SH3BGR: variants seen among roughly 807,000 people sequenced by gnomAD.
SH3BGR encodes the protein SH3 domain-binding glutamic acid-rich protein.
SH3BGR carries 29 observed loss-of-function variants against 24.5 expected under a neutral mutation model. That is an observed-to-expected ratio of 1.18 (90% CI 0.88 to 1.61). The LOEUF (loss-of-function observed/expected upper bound fraction) is 1.61, where lower values mean the gene tolerates loss of function less well. Ranked by LOEUF, SH3BGR falls within the 40% of genes most tolerant of loss-of-function variation. The pLI is 0.00. For missense variants in SH3BGR, 162 were observed against 205.8 expected, an observed-to-expected ratio of 0.79 and a Z score of 1.30; for synonymous variants, 55 against 65.7, an observed-to-expected ratio of 0.84 and a Z score of 0.79.
chr21:39,499,425 G>A (rs1012474503), intron 3 of SH3BGR, among the ~76,000 whole-genome samples: 8 of 151,970 alleles, frequency 5.3e-5, no homozygotes, highest in African/African-American at 1.9e-4. Flanking sequence ...ATCCATCTAT[G>A]TATGTTTACC....
At chr21:39,452,239 T>G (rs2077587037) in intron 1 of SH3BGR, 98 bp downstream of exon 1, 35 of 1,383,690 alleles carry the variant, frequency 2.5e-5, no homozygotes, top group Non-Finnish European at 3.4e-5. Flanking sequence ...TTTTTGCGTG[T>G]AGTCAGCTGT....
At chr21:39,475,075 G>C in intron 2 of SH3BGR, 60 bp from the exon 3 acceptor site, 1 of 1,056,460 alleles carries the variant, frequency 9.5e-7, no homozygotes, top group Non-Finnish European at 1.4e-6. Flanking sequence ...ATCAGTTTCC[G>C]TAAATAAACT....
At chr21:39,447,848 T>C (rs1449165287), upstream of SH3BGR, among the ~76,000 whole-genome samples, 1 of 152,116 alleles carries the variant, frequency 6.6e-6, no homozygotes, top group East Asian at 1.9e-4. Context: ...TTCTCTATAT[T>C]AGGTTCCTAG....
chr21:39,469,765 C>T (rs1264114948), intron 2 of SH3BGR, among the ~76,000 whole-genome samples: 1 of 151,878 alleles, frequency 6.6e-6, no homozygotes, highest in Non-Finnish European at 1.5e-5. Flanking sequence ...GTGATTGATT[C>T]TTCTGCCTCA....
At chr21:39,481,530 A>T (rs1011654191) in intron 3 of SH3BGR, among the ~76,000 whole-genome samples, 18 of 152,200 alleles carry the variant, frequency 1.2e-4, no homozygotes, top group African/African-American at 4.3e-4. Flanking sequence ...ACATTTTCTG[A>T]TTATTAACCC....
Position 39,511,887 on chromosome 21 carries a change from C to A in SH3BGR, c.*34+78C>A. 1 of 1,347,144 alleles carries A rather than the reference C, an allele frequency of 7.4e-7. No individual in the cohort carries two copies. Among genetic ancestry groups the A allele is most frequent in the Non-Finnish European group, 9.9e-7 (1 of 1,005,886 alleles). The allele number at this position is 1,347,144 out of a possible 1,614,324, so 83.4% of individuals were successfully genotyped here. ...ATCTGCGGCACATTTTGCTTAGTAA[C>A]AGGAGAAAGGGAATTCCAATTCAGG... On this transcript the variant is annotated intron_variant, in intron 6 of 6. Transcript: ENST00000333634. This position sits in a 1 kb window ranked among gnomAD's most constrained non-coding sequence, Gnocchi z 4.2.
intron 4 of SH3BGR, among the ~76,000 whole-genome samples, chr21:39,505,801 G>A (rs1235261410): frequency 6.6e-6 from 1 of 152,110 alleles, no homozygotes; most frequent in East Asian, 1.9e-4. Context: ...CATAGTTGTT[G>A]CTAGCTAACT....
At chr21:39,482,890 G>A (rs1206941548) in intron 3 of SH3BGR, among the ~76,000 whole-genome samples, 2 of 152,110 alleles carry the variant, frequency 1.3e-5, no homozygotes, top group African/African-American at 4.8e-5. Context: ...GGCTGGTCTC[G>A]AACTCCTGAC....
At chr21:39,462,681 C>A in intron 2 of SH3BGR, 121 bp downstream of exon 2, 1 of 595,594 alleles carries the variant, frequency 1.7e-6, no homozygotes, top group Non-Finnish European at 2.8e-6. Flanking sequence ...TGGTCTATTT[C>A]TGCCATCCAA....
chr21:39,505,113 A>G (rs1208525920), intron 4 of SH3BGR, among the ~76,000 whole-genome samples: 2 of 152,186 alleles, frequency 1.3e-5, no homozygotes, highest in Non-Finnish European at 2.9e-5. Context: ...ACGCCCAGCC[A>G]TTATTTTTAA....
intron 1 of SH3BGR, among the ~76,000 whole-genome samples, chr21:39,461,918 G>A (rs1023766602): frequency 6.6e-6 from 1 of 151,702 alleles, no homozygotes; most frequent in Non-Finnish European, 1.5e-5. Flanking sequence ...GCATGATCTC[G>A]GCTCACTGCA....
At chr21:39,454,824 C>G (rs1302261928) in intron 1 of SH3BGR, among the ~76,000 whole-genome samples, 1 of 152,180 alleles carries the variant, frequency 6.6e-6, no homozygotes, top group Non-Finnish European at 1.5e-5. Flanking sequence ...CTAGATGGCC[C>G]GTGTGACAGT....
At chr21:39,484,186 G>A (rs2078173724) in intron 3 of SH3BGR, among the ~76,000 whole-genome samples, 1 of 152,212 alleles carries the variant, frequency 6.6e-6, no homozygotes, top group African/African-American at 2.4e-5. Flanking sequence ...ATTTCACAAA[G>A]CCTCTGACTC....
intron 6 of SH3BGR, among the ~76,000 whole-genome samples, chr21:39,514,022 G>T (rs1238358604): frequency 1.1e-4 from 17 of 152,150 alleles, no homozygotes; most frequent in Admixed American, 1.1e-3. Context: ...AGCACATTCT[G>T]CCTGTTTCTC....
chr21:39,464,318 G>A (rs897091046), intron 2 of SH3BGR, among the ~76,000 whole-genome samples: 1 of 152,088 alleles, frequency 6.6e-6, no homozygotes, highest in African/African-American at 2.4e-5. Context: ...TACCTCCTGG[G>A]TTCAAGTGAT....
At chr21:39,487,117 G>T (rs1177181902) in intron 3 of SH3BGR, among the ~76,000 whole-genome samples, 2 of 151,934 alleles carry the variant, frequency 1.3e-5, no homozygotes, top group African/African-American at 4.8e-5. Flanking sequence ...TTAATTGACA[G>T]AGATATACAC....
intron 3 of SH3BGR, among the ~76,000 whole-genome samples, chr21:39,486,504 A>C (rs970183854): frequency 6.6e-6 from 1 of 152,246 alleles, no homozygotes; most frequent in Non-Finnish European, 1.5e-5. Flanking sequence ...AACAAGATGT[A>C]GTAGGTCTGG....
chr21:39,452,573 C>T (rs1358945774), intron 1 of SH3BGR, among the ~76,000 whole-genome samples: 1 of 152,144 alleles, frequency 6.6e-6, no homozygotes, highest in Non-Finnish European at 1.5e-5. Flanking sequence ...GGGGTGTAAT[C>T]ACTTGTATAT....
rs546278099 is a variant in SH3BGR at position 39,455,490 on chromosome 21, T to C, written c.45+3349T>C. 5.8e-4 allele frequency among the ~76,000 whole-genome samples: 88 copies of C among 152,332 alleles called. 1 individual carries two copies. The South Asian group carries it at 0.017, about 30-fold the overall frequency. ...ATGGGGTGCTATGCACACCCCTCCC[T>C]CTGGGCCATAAAGAGATGGACTCTT... On this transcript the variant is annotated intron_variant, in intron 1 of 6. Coordinates refer to ENST00000333634, the MANE Select transcript of SH3BGR (RefSeq NM_007341.3).
Sources: gnomAD v4.1 joint callset for allele counts (sites outside exome capture counted in the v4.1 genomes callset) on GRCh38, gnomAD v4.1.1 for gene constraint, Gnocchi (gnomAD v3.1) non-coding constraint, MANE v1.5 for transcripts, NCBI Gene and HGNC (gene_info 2026-07-23, HGNC 2026-07-21) for gene names.